NXPH2: variants seen among roughly 807,000 people sequenced by gnomAD.
NXPH2 encodes neurexophilin-2.
A neutral mutation model predicts 19.8 loss-of-function variants in NXPH2; 5 were observed. That is an observed-to-expected ratio of 0.25 (90% CI 0.13 to 0.53). NXPH2 has a LOEUF of 0.53. Among genes scored for constraint, NXPH2 ranks in the 20% least tolerant of loss-of-function variants. NXPH2 has a pLI of 0.96. For synonymous variants in NXPH2, 154 were observed against 127.4 expected, an observed-to-expected ratio of 1.21 and a Z score of -1.41; for missense variants, 289 against 322.8, an observed-to-expected ratio of 0.90 and a Z score of 0.80.
chr2:138,713,308 G>T (rs1341193711), intron 1 of NXPH2, among the ~76,000 whole-genome samples: 1 of 152,176 alleles, frequency 6.6e-6, no homozygotes, highest in Non-Finnish European at 1.5e-5. Flanking sequence ...AGGAGGATTT[G>T]TTGTTGACCC....
intron 1 of NXPH2, among the ~76,000 whole-genome samples, chr2:138,735,261 C>T (rs558328663): frequency 2.6e-5 from 4 of 152,178 alleles, no homozygotes; most frequent in African/African-American, 9.6e-5. Context: ...TTGTATTAAT[C>T]TGTTTTCATG....
intron 1 of NXPH2, among the ~76,000 whole-genome samples, chr2:138,720,406 C>T (rs1308361988): frequency 6.6e-6 from 1 of 152,184 alleles, no homozygotes; most frequent in African/African-American, 2.4e-5. Context: ...AAACAAACTT[C>T]GGTGAAGAGC....
chr2:138,680,927 G>T (rs1350752020), intron 1 of NXPH2, among the ~76,000 whole-genome samples: 1 of 152,094 alleles, frequency 6.6e-6, no homozygotes, highest in Non-Finnish European at 1.5e-5. Flanking sequence ...AGGCTAACTT[G>T]GTGACTATTT....
intron 1 of NXPH2, among the ~76,000 whole-genome samples, chr2:138,750,224 C>T (rs938165128): frequency 6.6e-6 from 1 of 152,058 alleles, no homozygotes; most frequent in African/African-American, 2.4e-5. Context: ...TCTTTTATAG[C>T]TCACCATATA....
At chr2:138,692,967 A>G (rs75291366) in intron 1 of NXPH2, among the ~76,000 whole-genome samples, 3,177 of 152,308 alleles carry the variant, frequency 0.021, 49 homozygotes, top group Non-Finnish European at 0.033. Flanking sequence ...AATGCATGTA[A>G]GTTATAGTTC....
Position 138,755,702 on chromosome 2 carries a change from C to A in NXPH2, c.51+24489G>T, listed in dbSNP as rs375670289. Reference sequence around the variant, plus strand: ...TTTTAGAGCCAGTTTGCAATATCTGCGAAGTAGCCTGCTTGAATTTAAATT... The same window carrying A: ...TTTTAGAGCCAGTTTGCAATATCTGAGAAGTAGCCTGCTTGAATTTAAATT... On this transcript the variant is annotated intron_variant, in intron 1 of 1. Transcript: ENST00000272641. 2.6e-5 allele frequency among the ~76,000 whole-genome samples: 4 copies of A among 151,986 alleles called. No individual in the cohort carries two copies. The East Asian group carries it at 5.8e-4, about 22-fold the overall frequency.
intron 1 of NXPH2, among the ~76,000 whole-genome samples, chr2:138,706,778 C>T (rs1681021841): frequency 6.6e-6 from 1 of 151,498 alleles, no homozygotes; most frequent in South Asian, 2.1e-4. Flanking sequence ...TAGTGTGTAC[C>T]TGAAGTCCCA....
chr2:138,725,086 T>G (rs990760404), intron 1 of NXPH2, among the ~76,000 whole-genome samples: 10 of 152,246 alleles, frequency 6.6e-5, no homozygotes, highest in Admixed American at 5.9e-4. Context: ...AACAAATCTA[T>G]ATTTGCTTTT....
chr2:138,762,404 CTAATA>C (rs1464084591), intron 1 of NXPH2, among the ~76,000 whole-genome samples: 1 of 152,172 alleles, frequency 6.6e-6, no homozygotes, highest in African/African-American at 2.4e-5. Flanking sequence ...ACTGCTAGCA[CTAATA>C]TAATACTGCA....
At chr2:138,756,259 C>A (rs1046912502) in intron 1 of NXPH2, among the ~76,000 whole-genome samples, 2 of 151,910 alleles carry the variant, frequency 1.3e-5, no homozygotes, top group African/African-American at 4.8e-5. Context: ...TCATTTTGAT[C>A]AAAACATATA....
intron 1 of NXPH2, among the ~76,000 whole-genome samples, chr2:138,708,805 A>C (rs1344595043): frequency 6.6e-6 from 1 of 152,200 alleles, no homozygotes; most frequent in Non-Finnish European, 1.5e-5. Context: ...ACATTTATCA[A>C]AGCATAGGGA....
At chr2:138,764,245 T>G (rs1682059455) in intron 1 of NXPH2, among the ~76,000 whole-genome samples, 1 of 152,018 alleles carries the variant, frequency 6.6e-6, no homozygotes, top group Non-Finnish European at 1.5e-5. Context: ...TATTCCACCC[T>G]CCAAAAGAAT....
At chr2:138,679,012 G>C (rs1184409334) in intron 1 of NXPH2, among the ~76,000 whole-genome samples, 1 of 152,202 alleles carries the variant, frequency 6.6e-6, no homozygotes, top group Non-Finnish European at 1.5e-5. Context: ...TTCTATGACA[G>C]TCAGATATTT....
At chr2:138,676,473 C>T (rs1477708077) in intron 1 of NXPH2, among the ~76,000 whole-genome samples, 1 of 152,154 alleles carries the variant, frequency 6.6e-6, no homozygotes, top group African/African-American at 2.4e-5. Flanking sequence ...CTTCCCACCT[C>T]CCCACTGCTT....
chr2:138,677,310 A>G (rs7579695), intron 1 of NXPH2, among the ~76,000 whole-genome samples: 55,117 of 152,102 alleles, frequency 0.36, 10,655 homozygotes, highest in African/African-American at 0.49. Flanking sequence ...GGAAGAAAGA[A>G]AAATTGCTGT....
chr2:138,735,011 C>T (rs1257656755), intron 1 of NXPH2, among the ~76,000 whole-genome samples: 1 of 152,104 alleles, frequency 6.6e-6, no homozygotes, highest in Non-Finnish European at 1.5e-5. Context: ...TGTGACCAAA[C>T]AGGAAGAAGG....
chr2:138,763,180 C>G (rs1682044279), intron 1 of NXPH2, among the ~76,000 whole-genome samples: 1 of 151,986 alleles, frequency 6.6e-6, no homozygotes, highest in African/African-American at 2.4e-5. Context: ...GCAAATTAAA[C>G]CTATTACCTC....
intron 1 of NXPH2, among the ~76,000 whole-genome samples, chr2:138,713,716 G>A (rs1681144530): frequency 6.6e-6 from 1 of 152,032 alleles, no homozygotes. Context: ...CATGGGACCA[G>A]GCAGTAGAAC....
intron 1 of NXPH2, among the ~76,000 whole-genome samples, chr2:138,723,988 T>C (rs943526565): frequency 6.6e-6 from 1 of 150,880 alleles, no homozygotes; most frequent in Admixed American, 6.6e-5. Context: ...GTTTGTTACA[T>C]AGATACATTT....
Sources: gnomAD v4.1 joint callset for allele counts (sites outside exome capture counted in the v4.1 genomes callset) on GRCh38, gnomAD v4.1.1 for gene constraint, MANE v1.5 for transcripts, NCBI Gene and HGNC (gene_info 2026-07-23, HGNC 2026-07-21) for gene names.